The following ZNF587B variants were observed in gnomAD, a reference collection of about 807,000 sequenced individuals.
ZNF587B encodes the protein zinc finger protein 587B.
ZNF587B carries 6 observed loss-of-function variants against 7.2 expected under a neutral mutation model. The observed-to-expected ratio is 0.83, with a 90% CI of 0.46 to 1.65. The LOEUF (loss-of-function observed/expected upper bound fraction) is 1.65. Ranked by LOEUF, ZNF587B falls within the 40% of genes most tolerant of loss-of-function variation. The probability of loss-of-function intolerance (pLI) is 0.01; values close to 1 mark genes in which losing one functional copy is unlikely to be tolerated. For missense variants in ZNF587B, 749 were observed against 761.0 expected, an observed-to-expected ratio of 0.98 and a Z score of 0.19; for synonymous variants, 274 against 254.3, an observed-to-expected ratio of 1.08 and a Z score of -0.74.
chr19:57,842,312 T>C lies in ZNF587B; in HGVS notation c.1638T>C (p.Gly546=). The C allele has an allele frequency of 6.2e-7, 1 of 1,609,930 alleles. No individual in the cohort carries two copies. The highest frequency in any genetic ancestry group is 1.1e-5 in the South Asian group (1 of 90,376). The change falls in exon 3 of 3, where the codon GGT becomes GGC. Residue 546 remains glycine (G), a synonymous_variant. Coordinates refer to ENST00000594901, the MANE Select transcript of ZNF587B (RefSeq NM_001376223.1). ...TTGTTCATAAGAGAGTTCACACTGG[T>C]CAGAAGCCTTATGAGTGCAGTGAAT... ...AFIVHKRVHT[G]QKPYECSECG...
chr19:57,834,867 AG>A (rs1988543056), intron 1 of ZNF587B, among the ~76,000 whole-genome samples: 1 of 132,152 alleles, frequency 7.6e-6, no homozygotes, highest in African/African-American at 2.7e-5. Context: ...GAAAAAAAAA[AG>A]GTGTTCTGTT....
intron 1 of ZNF587B, among the ~76,000 whole-genome samples, chr19:57,835,430 C>T (rs1206375102): frequency 1.4e-3 from 180 of 124,704 alleles, no homozygotes; most frequent in South Asian, 2.0e-3. Flanking sequence ...GATCTCTGCT[C>T]ACTGCAACCT....
intron 1 of ZNF587B, among the ~76,000 whole-genome samples, chr19:57,837,608 C>T (rs1033362532): frequency 1.4e-4 from 22 of 152,026 alleles, no homozygotes; most frequent in African/African-American, 4.8e-4. Flanking sequence ...GCCACAACAC[C>T]CAGCTAATTT....
In ZNF587B at chr19:57,843,200, C is replaced by G. The variant is rs1227622430; in HGVS notation, c.*624C>G. ...TAGATATAGGGTTTTACCATGTTTCCAGGCTGGTATCGAACTCCTGAGCTC... is the reference window on the plus strand; with the variant it reads ...TAGATATAGGGTTTTACCATGTTTCGAGGCTGGTATCGAACTCCTGAGCTC... On this transcript the variant is annotated 3_prime_UTR_variant, in exon 3 of 3. Transcript: ENST00000594901. The G allele has an allele frequency of 2.7e-6, 2 of 737,446 alleles. No homozygotes were observed. Among genetic ancestry groups the G allele is most frequent in the African/African-American group, 3.8e-5 (2 of 52,112 alleles). 45.7% of individuals were successfully genotyped at this position (737,446 alleles called of 1,614,324 possible).
rs150839052 is a variant in ZNF587B, at chr19:57,842,882, C to T, written c.*306C>T. ...CAGGAGAGCTGTCACTACGGAAATG[C>T]CTTTTGAATGTAATGTTTGCAAAAA... On this transcript the variant is annotated 3_prime_UTR_variant, in exon 3 of 3. Transcript: ENST00000594901. 6 of 985,378 alleles carry T rather than the reference C, an allele frequency of 6.1e-6. No individual in the cohort carries two copies. In the African/African-American group the frequency reaches 8.7e-5, roughly 14 times the overall value. The allele number at this position is 985,378 out of a possible 1,614,324, so 61.0% of individuals were successfully genotyped here.
chr19:57,845,863 C>A lies in ZNF587B; in HGVS notation c.*3287C>A, dbSNP rs1989037169. 6.6e-6 allele frequency: 1 copy of A among 152,052 alleles called. No homozygotes were observed. Among genetic ancestry groups the A allele is most frequent in the African/African-American group, 2.4e-5 (1 of 41,402 alleles). 9.4% of individuals were successfully genotyped at this position (152,052 alleles called of 1,614,324 possible). A position where few individuals can be genotyped will look rare whatever the true frequency, so the allele number is the denominator to read the frequency against. ...CAGGTATGGTGGCATGTACCTTAGT[C>A]TTAGTGATGTGGGAGGATTGCTTGA... On this transcript the variant is annotated 3_prime_UTR_variant, in exon 3 of 3. Coordinates refer to ENST00000594901, the MANE Select transcript of ZNF587B (RefSeq NM_001376223.1).
chr19:57,830,374 G>A lies in ZNF587B; in HGVS notation c.-155G>A. 1.4e-6 allele frequency: 1 copy of A among 723,928 alleles called. No individual in the cohort carries two copies. The highest frequency in any genetic ancestry group is 2.3e-6 in the Non-Finnish European group (1 of 443,338). The allele number at this position is 723,928 out of a possible 1,614,324, so 44.8% of individuals were successfully genotyped here. Reference sequence around the variant, plus strand: ...ACTGCGGTGACTGAACCCAGAAGGCGGAGAACAGTTGTCCTCTGCTGCACA... The same window carrying A: ...ACTGCGGTGACTGAACCCAGAAGGCAGAGAACAGTTGTCCTCTGCTGCACA... On this transcript the variant is annotated 5_prime_UTR_variant, in exon 1 of 3. Coordinates refer to ENST00000594901, the MANE Select transcript of ZNF587B (RefSeq NM_001376223.1).
At chr19:57,836,594 AG>A (rs1453221638) in intron 1 of ZNF587B, among the ~76,000 whole-genome samples, 1 of 152,162 alleles carries the variant, frequency 6.6e-6, no homozygotes, top group Non-Finnish European at 1.5e-5. Context: ...ACGATCAAGC[AG>A]TGCTTCCACT....
chr19:57,839,842 A>G (rs1160976543), intron 2 of ZNF587B, among the ~76,000 whole-genome samples: 34 of 152,112 alleles, frequency 2.2e-4, no homozygotes, highest in Admixed American at 2.2e-3. Context: ...GCACTTTGGG[A>G]GGCCCTGGCA....
At chr19:57,831,854 G>A (rs1176999846) in intron 1 of ZNF587B, among the ~76,000 whole-genome samples, 3 of 150,762 alleles carry the variant, frequency 2.0e-5, no homozygotes, top group Non-Finnish European at 3.0e-5. Context: ...ACAGACACCC[G>A]CCACCATGCC....
At chr19:57,832,275 C>T (rs1988442974) in intron 1 of ZNF587B, among the ~76,000 whole-genome samples, 1 of 152,066 alleles carries the variant, frequency 6.6e-6, no homozygotes, top group African/African-American at 2.4e-5. Context: ...GTAGTAGAGA[C>T]GGGGTTCCGC....
In ZNF587B at chr19:57,843,498, T is replaced by G; in HGVS notation, c.*922T>G. The G allele has an allele frequency of 1.0e-6, 1 of 985,288 alleles. No individual in the cohort carries two copies. Among genetic ancestry groups the G allele is most frequent in the Non-Finnish European group, 1.2e-6 (1 of 829,906 alleles). The allele number at this position is 985,288 out of a possible 1,614,324, so 61.0% of individuals were successfully genotyped here. On this transcript the variant is annotated 3_prime_UTR_variant, in exon 3 of 3. Coordinates refer to ENST00000594901, the MANE Select transcript of ZNF587B (RefSeq NM_001376223.1). ...ACCCACATTGCATCATTCACCTATT[T>G]CGTATTCTAGAAGTATATTTTGGTT...
rs951078535 is a variant in ZNF587B at position 57,839,446 on chromosome 19, C to T, written c.163+297C>T. Among the ~76,000 whole-genome samples, 21 of 152,168 alleles carry T rather than the reference C, an allele frequency of 1.4e-4. No individual in the cohort carries two copies. The East Asian group carries it at 1.9e-3, about 14-fold the overall frequency. Reference sequence around the variant, plus strand: ...CAGATTTCAGGTTCCTGTGTACCCACAGTCTACTTCCTTTCTCTAGCTGCT... The same window carrying T: ...CAGATTTCAGGTTCCTGTGTACCCATAGTCTACTTCCTTTCTCTAGCTGCT... On this transcript the variant is annotated intron_variant, in intron 2 of 2. Transcript: ENST00000594901.
In ZNF587B at chr19:57,844,739, G is replaced by C. The variant is rs1297686606; in HGVS notation, c.*2163G>C. 6.6e-6 allele frequency: 1 copy of C among 152,216 alleles called. No individual in the cohort carries two copies. Among genetic ancestry groups the C allele is most frequent in the Admixed American group, 6.5e-5 (1 of 15,280 alleles). The allele number at this position is 152,216 out of a possible 1,614,324, so 9.4% of individuals were successfully genotyped here. A position where few individuals can be genotyped will look rare whatever the true frequency, so the allele number is the denominator to read the frequency against. On this transcript the variant is annotated 3_prime_UTR_variant, in exon 3 of 3. Transcript: ENST00000594901. ...AGTGTCAATATCACACTGAAAGATT[G>C]GTGATTTTTTTTGAACCAGACAAAA...
At position 57,845,007 on chromosome 19, in the gene ZNF587B, C is replaced by T. The variant is rs1446864197; in HGVS notation, c.*2431C>T. ...TTTTTTTTTTTTTGAGACACAGTCT[C>T]ACTCTGTCACCCAGGCTAGAGTGCT... On this transcript the variant is annotated 3_prime_UTR_variant, in exon 3 of 3. Coordinates refer to ENST00000594901, the MANE Select transcript of ZNF587B (RefSeq NM_001376223.1). 5 of 151,058 alleles carry T rather than the reference C, an allele frequency of 3.3e-5. No homozygotes were observed. Among genetic ancestry groups the T allele is most frequent in the Admixed American group, 2.0e-4 (3 of 15,162 alleles). The allele number at this position is 151,058 out of a possible 1,614,324, so 9.4% of individuals were successfully genotyped here. A position where few individuals can be genotyped will look rare whatever the true frequency, so the allele number is the denominator to read the frequency against.
rs1988900110 is a variant in ZNF587B, at chr19:57,842,466, A to G, written c.1792A>G (p.Arg598Gly). The G allele has an allele frequency of 2.5e-6, 4 of 1,599,252 alleles. No individual in the cohort carries two copies. Among genetic ancestry groups the G allele is most frequent in the Non-Finnish European group, 3.4e-6 (4 of 1,174,564 alleles). ...AGISSLTNHR[R>G]VHTGEKPYGC... ...AATCTCCAGTCTCACTAATCACAGG[A>G]GAGTTCACACTGGAGAAAAGCCTTA... Residue 598 changes from arginine to glycine, a missense_variant, in exon 3 of 3, where the codon AGA (arginine) becomes GGA (glycine). Physicochemically the swap from Arg to Gly is moderately radical, Grantham distance 125. Around this residue, in one of 3 missense-constraint regions of ZNF587B, gnomAD observed 656 missense variants for 596.5 expected, o/e 1.10. Coordinates refer to ENST00000594901, the MANE Select transcript of ZNF587B (RefSeq NM_001376223.1).
At position 57,832,202 on chromosome 19, in the gene ZNF587B, T is replaced by A. The variant is rs541376276; in HGVS notation, c.36+1638T>A. 7.9e-5 allele frequency among the ~76,000 whole-genome samples: 12 copies of A among 152,208 alleles called. No individual in the cohort carries two copies. In the South Asian group the frequency reaches 2.5e-3, roughly 32 times the overall value. The stretch of plus-strand genomic sequence containing the variant: ...CCCGGGTTCATGCCATTCTCCTGCC[T>A]CAGCCTCCCGAGTAGCTGGGACTAC... On this transcript the variant is annotated intron_variant, in intron 1 of 2. Coordinates refer to ENST00000594901, the MANE Select transcript of ZNF587B (RefSeq NM_001376223.1).
chr19:57,832,415 T>C (rs528919378), intron 1 of ZNF587B, among the ~76,000 whole-genome samples: 35 of 152,378 alleles, frequency 2.3e-4, no homozygotes, highest in African/African-American at 7.5e-4. Context: ...ATTTCTTTGC[T>C]GAATTTATCT....
At chr19:57,840,411 C>G (rs891742757) in intron 2 of ZNF587B, among the ~76,000 whole-genome samples, 1 of 152,088 alleles carries the variant, frequency 6.6e-6, no homozygotes, top group African/African-American at 2.4e-5. Context: ...TGCGTGTTCT[C>G]CAGTATTTGC....
Sources: allele counts gnomAD v4.1 joint callset (sites outside exome capture counted in the v4.1 genomes callset), GRCh38; gene constraint gnomAD v4.1.1; regional missense constraint gnomAD v4.1.1; transcripts MANE v1.5; gene names NCBI Gene and HGNC (gene_info 2026-07-23, HGNC 2026-07-21).